TTC9: variants seen among roughly 807,000 people sequenced by gnomAD.
TTC9 encodes the protein tetratricopeptide repeat protein 9A.
Under a neutral mutation model 22.9 loss-of-function variants are expected in TTC9, and 13 were observed. The ratio of observed to expected loss-of-function variants is 0.57; its 90% CI spans 0.37 to 0.90. The LOEUF (loss-of-function observed/expected upper bound fraction) is 0.90, where lower values mean the gene tolerates loss of function less well. TTC9 is among the 40% of genes least tolerant of loss of function. The pLI, the probability that TTC9 is intolerant of heterozygous loss-of-function variation, is 0.01. For missense variants in TTC9, 280 were observed against 291.8 expected (o/e 0.96, Z 0.29); for synonymous variants, 148 against 133.2 (o/e 1.11, Z -0.77).
intron 1 of TTC9, among the ~76,000 whole-genome samples, chr14:70,666,064 G>A (rs986349116): frequency 1.3e-5 from 2 of 151,972 alleles, no homozygotes; most frequent in Admixed American, 6.6e-5. Flanking sequence ...ATACTTTGCC[G>A]TTGGTCAATG....
intron 1 of TTC9, among the ~76,000 whole-genome samples, chr14:70,660,364 G>A (rs561547658): frequency 2.8e-4 from 42 of 152,248 alleles, no homozygotes; most frequent in Admixed American, 6.5e-4. Context: ...TTTAAATTAC[G>A]CTGTAGCTTT....
At chr14:70,663,709 G>GC (rs1448665405) in intron 1 of TTC9, among the ~76,000 whole-genome samples, 41 of 151,762 alleles carry the variant, frequency 2.7e-4, no homozygotes, top group Middle Eastern at 6.8e-3. Context: ...CCCCAGGTGG[G>GC]TGGGGGGGCG....
chr14:70,665,394 C>T (rs549918268), intron 1 of TTC9, among the ~76,000 whole-genome samples: 47 of 152,226 alleles, frequency 3.1e-4, no homozygotes, highest in Middle Eastern at 6.8e-3. Flanking sequence ...GCACAGGCTC[C>T]GACAACATGC....
At chr14:70,668,509 G>A (rs1886246844) in intron 2 of TTC9, among the ~76,000 whole-genome samples, 1 of 152,184 alleles carries the variant, frequency 6.6e-6, no homozygotes, top group Non-Finnish European at 1.5e-5. Flanking sequence ...GAAATACTTA[G>A]TAGTAATAAA....
chr14:70,664,915 G>C (rs976977254), intron 1 of TTC9, among the ~76,000 whole-genome samples: 2 of 152,000 alleles, frequency 1.3e-5, no homozygotes, highest in African/African-American at 4.8e-5. Flanking sequence ...TCCACAGCCA[G>C]GTATGCCAGT....
chr14:70,665,781 G>A (rs1481802450), intron 1 of TTC9, among the ~76,000 whole-genome samples: 1 of 152,118 alleles, frequency 6.6e-6, no homozygotes, highest in Admixed American at 6.5e-5. Flanking sequence ...TCTGATACCT[G>A]GGAAGTTATT....
intron 1 of TTC9, among the ~76,000 whole-genome samples, chr14:70,654,587 C>CAAAAAAAAAA (rs61046584): frequency 0.014 from 786 of 57,050 alleles, 53 homozygotes; most frequent in Non-Finnish European, 0.019. Context: ...GGCTCTGTCT[C>CAAAAAAAAAA]AAAAAAAAAA....
chr14:70,644,976 G>T (rs946292473), intron 1 of TTC9, among the ~76,000 whole-genome samples: 2 of 152,152 alleles, frequency 1.3e-5, no homozygotes, highest in Admixed American at 1.3e-4. Flanking sequence ...GCCGGGTGTG[G>T]TGGCGGGCAC....
chr14:70,663,621 C>T (rs1683863843), intron 1 of TTC9, among the ~76,000 whole-genome samples: 1 of 151,468 alleles, frequency 6.6e-6, no homozygotes, highest in African/African-American at 2.4e-5. Context: ...CCTTCTCTAC[C>T]TTTGTCCTTC....
rs1076265 is a variant in TTC9, at chr14:70,671,999, A to T, written c.*844A>T. 1 of 152,140 alleles carries T rather than the reference A, an allele frequency of 6.6e-6. No homozygotes were observed. The highest frequency in any genetic ancestry group is 2.4e-5 in the African/African-American group (1 of 41,402). 9.4% of individuals were successfully genotyped at this position (152,140 alleles called of 1,614,324 possible). ...AGGGGATTGAACTGTGGACTGATTC[A>T]GTGTAAATAAAAACAAATTAACAGG... is the stretch of plus-strand genomic sequence containing the variant. On this transcript the variant is annotated 3_prime_UTR_variant, in exon 3 of 3. Coordinates refer to ENST00000256367, the MANE Select transcript of TTC9 (RefSeq NM_015351.2).
chr14:70,670,321 A>C (rs931222154), intron 2 of TTC9, among the ~76,000 whole-genome samples: 2 of 152,226 alleles, frequency 1.3e-5, no homozygotes, highest in African/African-American at 4.8e-5. Context: ...AAATGAGATC[A>C]TGAAGGTTAG....
chr14:70,657,322 C>T (rs1262029479), intron 1 of TTC9, among the ~76,000 whole-genome samples: 1 of 152,090 alleles, frequency 6.6e-6, no homozygotes, highest in East Asian at 1.9e-4. Flanking sequence ...AGTGATGATG[C>T]GTGGGAAGCA....
At position 70,671,680 on chromosome 14, in the gene TTC9, AC is replaced by A. The variant is rs933800251; in HGVS notation, c.*530del. 1.1e-5 allele frequency: 1 copy of A among 91,740 alleles called. No individual in the cohort carries two copies. Among genetic ancestry groups the A allele is most frequent in the African/African-American group, 3.9e-5 (1 of 25,454 alleles). The allele number at this position is 91,740 out of a possible 1,614,324, so 5.7% of individuals were successfully genotyped here. A position where few individuals can be genotyped will look rare whatever the true frequency, so the allele number is the denominator to read the frequency against. Reference sequence around the variant, plus strand: ...TGTCAATGTGTACACTGGAGTTCCCACCCCCACCCCCCACCCGTCACTTAGC... The same window carrying A: ...TGTCAATGTGTACACTGGAGTTCCCACCCCACCCCCCACCCGTCACTTAGC... On this transcript the variant is annotated 3_prime_UTR_variant, in exon 3 of 3. Coordinates refer to ENST00000256367, the MANE Select transcript of TTC9 (RefSeq NM_015351.2).
intron 2 of TTC9, among the ~76,000 whole-genome samples, chr14:70,669,831 T>C (rs940514100): frequency 5.3e-5 from 8 of 152,182 alleles, no homozygotes; most frequent in Non-Finnish European, 1.2e-4. Flanking sequence ...CGCCTGGCAT[T>C]TTTTAGCATG....
At chr14:70,658,281 A>G (rs1056602191) in intron 1 of TTC9, among the ~76,000 whole-genome samples, 2 of 152,202 alleles carry the variant, frequency 1.3e-5, no homozygotes, top group South Asian at 2.1e-4. Context: ...AACACCGTAT[A>G]TATGTTAGGT....
chr14:70,654,555 A>G (rs867931739), intron 1 of TTC9, among the ~76,000 whole-genome samples: 1 of 131,226 alleles, frequency 7.6e-6, no homozygotes, highest in African/African-American at 2.9e-5. Flanking sequence ...GCACTACTGC[A>G]CTCCAGCCTG....
intron 1 of TTC9, among the ~76,000 whole-genome samples, chr14:70,665,009 G>C (rs978224361): frequency 6.6e-6 from 1 of 152,196 alleles, no homozygotes; most frequent in African/African-American, 2.4e-5. Flanking sequence ...TTAACCCTTT[G>C]TGGGAAGGGG....
intron 1 of TTC9, among the ~76,000 whole-genome samples, chr14:70,665,108 T>G (rs1886196366): frequency 6.6e-6 from 1 of 152,186 alleles, no homozygotes; most frequent in African/African-American, 2.4e-5. Flanking sequence ...TATTTTATTT[T>G]TATTTTTATT....
chr14:70,647,215 A>G (rs1885915012), intron 1 of TTC9, among the ~76,000 whole-genome samples: 1 of 152,230 alleles, frequency 6.6e-6, no homozygotes, highest in South Asian at 2.1e-4. Flanking sequence ...TCTGTAGCTC[A>G]TACATGCATA....
Sources: allele counts gnomAD v4.1 joint callset (sites outside exome capture counted in the v4.1 genomes callset), GRCh38; gene constraint gnomAD v4.1.1; transcripts MANE v1.5; gene names NCBI Gene and HGNC (gene_info 2026-07-23, HGNC 2026-07-21).